CFAP46: variants seen among roughly 807,000 people sequenced by gnomAD.
CFAP46 encodes the protein cilia and flagella associated protein 46.
In CFAP46, 245 loss-of-function variants were observed where a neutral mutation model predicts 325.7. The ratio of observed to expected loss-of-function variants is 0.75; its 90% CI spans 0.68 to 0.84. CFAP46 has a LOEUF of 0.84. Among genes scored for constraint, CFAP46 ranks in the 40% least tolerant of loss-of-function variants. The pLI, the probability that CFAP46 is intolerant of heterozygous loss-of-function variation, is 0.00. For synonymous variants in CFAP46, 1,523 were observed against 1,495.9 expected (o/e 1.02, Z -0.42); for missense variants, 3,346 against 3,543.0 (o/e 0.94, Z 1.41).
Position 132,916,614 on chromosome 10 carries a change from C to T in CFAP46, c.2055G>A (p.Leu685=). 3 of 1,544,910 alleles carry T rather than the reference C, an allele frequency of 1.9e-6. No homozygotes were observed. The highest frequency in any genetic ancestry group is 2.6e-6 in the Non-Finnish European group (3 of 1,144,316). ...LNDRAIPPED[L]SQHPAGYVPE... ...GCACGTAGCCAGCTGGGTGCTGGCT[C>T]AGGTCTTCGGGGGGGATGGCCCGGT... The change falls in exon 17 of 58, where the codon CTG becomes CTA. Residue 685 remains leucine (L), a synonymous_variant. Transcript: ENST00000368586.
chr10:132,851,205 G>T lies in CFAP46; in HGVS notation c.5675C>A (p.Ala1892Asp). 2 of 1,614,098 alleles carry T rather than the reference G, an allele frequency of 1.2e-6. No individual in the cohort carries two copies. The highest frequency in any genetic ancestry group is 1.7e-6 in the Non-Finnish European group (2 of 1,180,044). Residue 1892 changes from alanine to aspartate, a missense_variant, in exon 40 of 58, where the codon GCC becomes GAC. Ala to Asp is a moderately radical substitution (Grantham distance 126, BLOSUM62 -2). Coordinates refer to ENST00000368586, the MANE Select transcript of CFAP46 (RefSeq NM_001200049.3). ...CCCCTGCTCACTCTGCTGCCCGTGG[G>T]CCTCCTCCCAGATGAACTGGAGCAT... is the stretch of plus-strand genomic sequence containing the variant. The part of the protein sequence containing the change: ...LDMLQFIWEE[A>D]HGQQSEQGSL...
chr10:132,834,669 C>G lies in CFAP46; in HGVS notation c.6851G>C (p.Ser2284Thr). The stretch of plus-strand genomic sequence containing the variant: ...TCCCCAGTACCTGGCCTTGGAGAGG[C>G]TGAGCAGGGGGAATAGCGGCTGCAG... ...ELLQPLFPLL[S>T]LSKARVQTPA... is the part of the protein sequence containing the mutation. The change falls in exon 48 of 58, where the codon AGC becomes ACC. Residue 2284 changes from serine to threonine, a missense_variant. Coordinates refer to ENST00000368586, the MANE Select transcript of CFAP46 (RefSeq NM_001200049.3). 6.2e-7 allele frequency: 1 copy of G among 1,613,388 alleles called. No individual in the cohort carries two copies. The highest frequency in any genetic ancestry group is 8.5e-7 in the Non-Finnish European group (1 of 1,179,956).
chr10:132,920,366 G>C lies in CFAP46; in HGVS notation c.1607-184C>G, dbSNP rs548248146. Reference sequence around the variant, plus strand: ...ACAGAGCTGCAGAGTGGCATTGCCTGTGTCTCCTGCCGGCGATGAGGCCGA... The same window carrying C: ...ACAGAGCTGCAGAGTGGCATTGCCTCTGTCTCCTGCCGGCGATGAGGCCGA... On this transcript the variant is annotated intron_variant, in intron 13 of 57. Transcript: ENST00000368586. Among the ~76,000 whole-genome samples the C allele has an allele frequency of 3.3e-5, 5 of 152,216 alleles. No individual in the cohort carries two copies. The South Asian group carries it at 8.3e-4, about 25-fold the overall frequency.
chr10:132,853,855 A>G (rs1848598752), intron 39 of CFAP46, among the ~76,000 whole-genome samples: 1 of 152,136 alleles, frequency 6.6e-6, no homozygotes, highest in African/African-American at 2.4e-5. Context: ...ATCCATGGAG[A>G]AATTGTGTCT....
chr10:132,941,059 TC>T lies in CFAP46; in HGVS notation c.307del (p.Glu103ArgfsTer7). The T allele has an allele frequency of 6.2e-7, 1 of 1,614,090 alleles. No individual in the cohort carries two copies. The highest frequency in any genetic ancestry group is 8.5e-7 in the Non-Finnish European group (1 of 1,179,998). On this transcript the variant is annotated frameshift_variant and splice_region_variant, in exon 4 of 58. Transcript: ENST00000368586. LOFTEE classifies it high-confidence loss of function. ...CTCAGTCACGCAATTTTCAAATTCC[TC>T]CTAAGGCAACATAAAGAAGCACAAT... ...MCAPKSAENL[E>X]EFENCVTEYM...
chr10:132,896,866 T>C (rs1849327981), intron 24 of CFAP46, among the ~76,000 whole-genome samples: 1 of 152,118 alleles, frequency 6.6e-6, no homozygotes, highest in Non-Finnish European at 1.5e-5. Context: ...TGGAAACATA[T>C]GACAAAGCTA....
chr10:132,836,488 C>T (rs1004409916), intron 45 of CFAP46, among the ~76,000 whole-genome samples: 16 of 152,242 alleles, frequency 1.1e-4, no homozygotes, highest in African/African-American at 3.6e-4. Flanking sequence ...CGCCGGCTGG[C>T]TCCAGGCCAG....
intron 34 of CFAP46, 139 bp from the exon 35 acceptor site, chr10:132,866,310 A>C: frequency 1.1e-6 from 1 of 936,686 alleles, no homozygotes; most frequent in Non-Finnish European, 1.4e-6. Flanking sequence ...TGGCCTAGGC[A>C]CCATGGGCGC....
intron 50 of CFAP46, among the ~76,000 whole-genome samples, chr10:132,822,410 A>G (rs868560449): frequency 7.8e-3 from 456 of 58,682 alleles, no homozygotes; most frequent in Middle Eastern, 0.044. Flanking sequence ...TGTGCACTGT[A>G]TGCTGTGTGT....
In CFAP46 at chr10:132,866,018, TCCTCA is replaced by T. The variant is rs1387145492; in HGVS notation, c.4890+2_4890+6del. On this transcript the variant is annotated splice_donor_variant and splice_donor_5th_base_variant and intron_variant, in intron 35 of 57. Transcript: ENST00000368586. LOFTEE classifies it high-confidence loss of function. ...TGGATGGTGATGGGCTGGGAGGGGC[TCCTCA>T]CCTGGAAAGCCAGGTAAGCCTCCGA... The T allele has an allele frequency of 2.0e-6, 3 of 1,499,056 alleles. No individual in the cohort carries two copies. In the South Asian group the frequency reaches 4.0e-5, roughly 20 times the overall value. The allele number at this position is 1,499,056 out of a possible 1,614,324, so 92.9% of individuals were successfully genotyped here. A position where few individuals can be genotyped will look rare whatever the true frequency, so the allele number is the denominator to read the frequency against.
rs372897475 is a variant in CFAP46 at position 132,812,842 on chromosome 10, T to C, written c.7444A>G (p.Met2482Val). 3 of 1,611,994 alleles carry C rather than the reference T, an allele frequency of 1.9e-6. No individual in the cohort carries two copies. The highest frequency in any genetic ancestry group is 2.7e-5 in the African/African-American group (2 of 74,892). Residue 2482 changes from methionine (M) to valine (V), a missense_variant, in exon 55 of 58, where the codon ATG becomes GTG. By Grantham distance (21) the Met-to-Val change is conservative (BLOSUM62 1). Coordinates refer to ENST00000368586, the MANE Select transcript of CFAP46 (RefSeq NM_001200049.3). ...AATATATGGGACAGGAAGCTCTCCA[T>C]TCCATAGAAGAAGAAACCGCTGCAG... ...GSCSGFFFYGMESFLSHILVE... is the reference protein window; with the variant it reads ...GSCSGFFFYGVESFLSHILVE...
At chr10:132,856,974 C>G (rs941681592) in intron 39 of CFAP46, among the ~76,000 whole-genome samples, 2 of 152,208 alleles carry the variant, frequency 1.3e-5, no homozygotes, top group Non-Finnish European at 2.9e-5. Context: ...GTCTCTCAGG[C>G]AGGTCTGGAG....
At chr10:132,814,343 A>G in intron 53 of CFAP46, 89 bp from the exon 54 acceptor site, 1 of 1,169,566 alleles carries the variant, frequency 8.6e-7, no homozygotes, top group Non-Finnish European at 1.2e-6. Context: ...GGTCACAGCG[A>G]ATGCAGGCGC....
chr10:132,854,213 C>T (rs1328610225), intron 39 of CFAP46, among the ~76,000 whole-genome samples: 1 of 151,896 alleles, frequency 6.6e-6, no homozygotes, highest in African/African-American at 2.4e-5. Context: ...TTTTTTATTC[C>T]CTTCAGTTCA....
chr10:132,863,465 T>G (rs912090444), intron 35 of CFAP46, among the ~76,000 whole-genome samples: 1 of 152,142 alleles, frequency 6.6e-6, no homozygotes, highest in Non-Finnish European at 1.5e-5. Context: ...AGCTCCCTTT[T>G]GACCCTGGTG....
Position 132,836,205 on chromosome 10 carries a change from C to T in CFAP46, c.6550G>A (p.Gly2184Ser), listed in dbSNP as rs76581191. Reference sequence around the variant, plus strand: ...AACTTGGGTTTCTCGTAGGCAGCGCCGTACAGACGGGACCTGCTGGCAGGA... The same window carrying T: ...AACTTGGGTTTCTCGTAGGCAGCGCTGTACAGACGGGACCTGCTGGCAGGA... Reference protein sequence around the residue: ...HLSGDRSRLYGAAYEKPKFIT... With the variant: ...HLSGDRSRLYSAAYEKPKFIT... Residue 2184 changes from glycine to serine, a missense_variant, in exon 46 of 58, where the codon GGC (glycine) becomes AGC (serine). Transcript: ENST00000368586. The T allele has an allele frequency of 0.014, 22,081 of 1,611,410 alleles. 191 individuals carry two copies. The highest frequency in any genetic ancestry group is 0.027 in the Middle Eastern group (162 of 6,060).
rs1205814030 is a variant in CFAP46 at position 132,922,514 on chromosome 10, C to G, written c.1451G>C (p.Arg484Pro). 1 of 1,545,614 alleles carries G rather than the reference C, an allele frequency of 6.5e-7. No homozygotes were observed. Among genetic ancestry groups the G allele is most frequent in the South Asian group, 1.2e-5 (1 of 83,972 alleles). Residue 484 changes from arginine (R) to proline (P), a missense_variant, in exon 12 of 58, where the codon CGC becomes CCC. Physicochemically the swap from Arg to Pro is moderately radical, Grantham distance 103 (BLOSUM62 -2). Transcript: ENST00000368586. Reference protein sequence around the residue: ...LCTTLYQAPERAEDKAIMAVE... With the variant: ...LCTTLYQAPEPAEDKAIMAVE... Reference sequence around the variant, plus strand: ...GGCCATGATGGCCTTGTCCTCTGCGCGCTCAGGGGCCTGGTATAGCGTGGT... The same window carrying G: ...GGCCATGATGGCCTTGTCCTCTGCGGGCTCAGGGGCCTGGTATAGCGTGGT...
At chr10:132,823,180 CGCTGTGTGCTGATGTGT>C (rs1404485405) in intron 50 of CFAP46, among the ~76,000 whole-genome samples, 1 of 53,402 alleles carries the variant, frequency 1.9e-5, no homozygotes, top group Non-Finnish European at 3.7e-5. Context: ...GCTGTCTGTG[CGCTGTGTGCTGATGTGT>C]GCTGTGTGTG....
chr10:132,824,129 CTGTGTGTGT>C (rs1564767793), intron 50 of CFAP46, among the ~76,000 whole-genome samples: 3,757 of 115,176 alleles, frequency 0.033, 73 homozygotes, highest in Non-Finnish European at 0.048. Context: ...CTGATGTGTG[CTGTGTGTGT>C]GCTGATGTGT....
Sources: allele counts gnomAD v4.1 joint callset (sites outside exome capture counted in the v4.1 genomes callset), GRCh38; gene constraint gnomAD v4.1.1; transcripts MANE v1.5; gene names NCBI Gene and HGNC (gene_info 2026-07-23, HGNC 2026-07-21).